SRPX2: variants seen among roughly 807,000 people sequenced by gnomAD.
SRPX2 encodes sushi repeat containing protein X-linked 2, also known as sushi repeat-containing protein SRPX2.
In SRPX2, 26 loss-of-function variants were observed where a neutral mutation model predicts 45.3. The observed-to-expected ratio is 0.57, with a 90% CI of 0.42 to 0.80. The LOEUF is 0.80. SRPX2 is among the 30% of genes least tolerant of loss of function. The probability of loss-of-function intolerance (pLI) is 0.00; values close to 1 mark genes in which losing one functional copy is unlikely to be tolerated. For missense variants in SRPX2, 355 were observed against 399.8 expected, an observed-to-expected ratio of 0.89 and a Z score of 0.95; for synonymous variants, 125 against 143.7, an observed-to-expected ratio of 0.87 and a Z score of 0.93.
At chrX:100,667,784 T>C (rs960415187) in intron 9 of SRPX2, among the ~76,000 whole-genome samples, 1 of 112,482 alleles carries the variant, frequency 8.9e-6, no homozygotes, top group African/African-American at 3.2e-5. Flanking sequence ...TATGTAGCTA[T>C]CCAGTACTGA....
At chrX:100,664,673 A>G in intron 4 of SRPX2, 101 bp from the exon 5 acceptor site, 1 of 887,729 alleles carries the variant, frequency 1.1e-6, no homozygotes, top group Non-Finnish European at 1.6e-6. Flanking sequence ...GGGTTTCTGT[A>G]TTTTCTGCTC....
chrX:100,655,786 C>T (rs924639033), intron 3 of SRPX2, among the ~76,000 whole-genome samples: 3 of 108,546 alleles, frequency 2.8e-5, no homozygotes, highest in Non-Finnish European at 5.7e-5. Context: ...ACAATAAAGA[C>T]TTACACACTT....
intron 3 of SRPX2, among the ~76,000 whole-genome samples, chrX:100,661,853 GA>G (rs745560594): frequency 1.7e-3 from 187 of 107,911 alleles, no homozygotes; most frequent in African/African-American, 6.1e-3. Flanking sequence ...AAATCCCAGT[GA>G]CCTTCTCCTG....
chrX:100,650,012 A>G (rs2083147657), intron 2 of SRPX2, among the ~76,000 whole-genome samples: 1 of 112,116 alleles, frequency 8.9e-6, no homozygotes, highest in Admixed American at 9.4e-5. Context: ...AGTCTCCCAG[A>G]CAGCCGCAGA....
chrX:100,650,093 C>G (rs1218230798), intron 2 of SRPX2: 4 of 113,860 alleles, frequency 3.5e-5, no homozygotes, highest in Non-Finnish European at 7.4e-5. Context: ...AGCTCAGCAG[C>G]TCCCTGTTAA....
chrX:100,666,554 C>T (rs777081759), intron 7 of SRPX2, among the ~76,000 whole-genome samples, 200 bp from the exon 8 acceptor site: 32 of 112,556 alleles, frequency 2.8e-4, no homozygotes, highest in Non-Finnish European at 5.1e-4. Flanking sequence ...CCAGACTTTA[C>T]AAACCTTTGT....
rs5921620 is a variant in SRPX2, at chrX:100,664,479, T to C, written c.356-295T>C. 0.3 allele frequency among the ~76,000 whole-genome samples: 32,711 copies of C among 110,198 alleles called. 3,950 individuals are homozygous for C. The highest frequency in any genetic ancestry group is 0.47 in the South Asian group (1,215 of 2,564). Reference sequence around the variant, plus strand: ...TAGATTATATTAAGGCCCACTCTTGTTGTATATTCTATGGATTTTGACAAT... The same window carrying C: ...TAGATTATATTAAGGCCCACTCTTGCTGTATATTCTATGGATTTTGACAAT... On this transcript the variant is annotated intron_variant, in intron 4 of 10. Coordinates refer to ENST00000373004, the MANE Select transcript of SRPX2 (RefSeq NM_014467.3).
Position 100,672,663 on chromosome X carries a change from C to G in SRPX2, c.*1676C>G, listed in dbSNP as rs1602729558. On this transcript the variant is annotated 3_prime_UTR_variant, in exon 11 of 11. Transcript: ENST00000373004. ...CTGACGCTACTTCTTTTCCTACTTT[C>G]CATTTAAAGACAACTGAAAGCTGTA... 8.9e-6 allele frequency: 1 copy of G among 111,953 alleles called. No homozygotes were observed. The highest frequency in any genetic ancestry group is 2.8e-4 in the East Asian group (1 of 3,565). The allele number at this position is 111,953 out of a possible 1,213,427, so 9.2% of individuals were successfully genotyped here.
Position 100,671,376 on chromosome X carries a change from C to G in SRPX2, c.*389C>G. On this transcript the variant is annotated 3_prime_UTR_variant, in exon 11 of 11. Transcript: ENST00000373004. ...CGAGCACAACAGAAACCAGCTTACACTTTAAGCAAGTGTAGCTGGATTTTC... is the reference window on the plus strand; with the variant it reads ...CGAGCACAACAGAAACCAGCTTACAGTTTAAGCAAGTGTAGCTGGATTTTC... 1 of 202,827 alleles carries G rather than the reference C, an allele frequency of 4.9e-6. No homozygotes were observed. Among genetic ancestry groups the G allele is most frequent in the Non-Finnish European group, 9.1e-6 (1 of 109,548 alleles). The allele number at this position is 202,827 out of a possible 1,213,427, so 16.7% of individuals were successfully genotyped here. A position where few individuals can be genotyped will look rare whatever the true frequency, so the allele number is the denominator to read the frequency against.
At chrX:100,645,780 T>C (rs932630310) in intron 1 of SRPX2, among the ~76,000 whole-genome samples, 3 of 112,369 alleles carry the variant, frequency 2.7e-5, no homozygotes, top group Non-Finnish European at 5.6e-5. Context: ...AGCTAATAGG[T>C]GACAGAATTG....
At chrX:100,664,603 A>T (rs1439361742) in intron 4 of SRPX2, among the ~76,000 whole-genome samples, 171 bp from the exon 5 acceptor site, 1 of 111,877 alleles carries the variant, frequency 8.9e-6, no homozygotes, top group Non-Finnish European at 1.9e-5. Flanking sequence ...CTTTATGAAA[A>T]TACAAAGACA....
chrX:100,661,749 G>GAC (rs2083188210), intron 3 of SRPX2, among the ~76,000 whole-genome samples: 1 of 111,789 alleles, frequency 8.9e-6, no homozygotes, highest in Non-Finnish European at 1.9e-5. Flanking sequence ...CAGCCTGGGC[G>GAC]AGAGTGAGAC....
At chrX:100,648,115 G>A (rs184291161) in intron 2 of SRPX2, among the ~76,000 whole-genome samples, 4 of 112,583 alleles carry the variant, frequency 3.6e-5, no homozygotes, top group African/African-American at 1.3e-4. Flanking sequence ...GCAGCCAAAT[G>A]TGGATCCAGG....
At chrX:100,653,933 C>T in intron 3 of SRPX2, among the ~76,000 whole-genome samples, 1 of 111,785 alleles carries the variant, frequency 8.9e-6, no homozygotes, top group East Asian at 2.8e-4. Flanking sequence ...AACTGTATTC[C>T]TGTATTTAAC....
intron 4 of SRPX2, 87 bp downstream of exon 4, chrX:100,662,454 C>G: frequency 9.9e-7 from 1 of 1,007,874 alleles, no homozygotes; most frequent in Non-Finnish European, 1.4e-6. Context: ...GGAGGTGTTA[C>G]TAATATGCCC....
At chrX:100,650,961 T>C in intron 3 of SRPX2, 96 bp downstream of exon 3, 1 of 669,699 alleles carries the variant, frequency 1.5e-6, no homozygotes, top group Non-Finnish European at 2.4e-6. Flanking sequence ...GGCTCACATG[T>C]GTCAAAACTG....
chrX:100,645,084 C>T (rs1250142505), intron 1 of SRPX2, among the ~76,000 whole-genome samples: 1 of 111,813 alleles, frequency 8.9e-6, no homozygotes, highest in Non-Finnish European at 1.9e-5. Flanking sequence ...ACTTTCTAGA[C>T]AAAATCTGAA....
chrX:100,657,635 G>A (rs2083174922), intron 3 of SRPX2, among the ~76,000 whole-genome samples: 1 of 110,376 alleles, frequency 9.1e-6, no homozygotes, highest in Non-Finnish European at 1.9e-5. Context: ...ACAGGCATGA[G>A]CCACTGTGCC....
rs1353526880 is a variant in SRPX2 at position 100,675,623 on chromosome X, A to G, written c.*4636A>G. ...TGCTTCCCAGAGCCTTAAAACCCAG[A>G]CTGGTCCTAATGCGAAAGGTAGCCA... On this transcript the variant is annotated 3_prime_UTR_variant, in exon 11 of 11. Coordinates refer to ENST00000373004, the MANE Select transcript of SRPX2 (RefSeq NM_014467.3). 3.4e-5 allele frequency: 4 copies of G among 116,217 alleles called. No homozygotes were observed. Among genetic ancestry groups the G allele is most frequent in the Non-Finnish European group, 7.1e-5 (4 of 56,439 alleles). 9.6% of individuals were successfully genotyped at this position (116,217 alleles called of 1,213,427 possible). A position where few individuals can be genotyped will look rare whatever the true frequency, so the allele number is the denominator to read the frequency against.
Sources: gnomAD v4.1 joint callset for allele counts (sites outside exome capture counted in the v4.1 genomes callset) on GRCh38, gnomAD v4.1.1 for gene constraint, MANE v1.5 for transcripts, NCBI Gene and HGNC (gene_info 2026-07-23, HGNC 2026-07-21) for gene names.